Variants in PIEZO2 observed in about 807,000 individuals in gnomAD.
The protein encoded by PIEZO2 is piezo-type mechanosensitive ion channel component 2.
PIEZO2 carries 172 observed loss-of-function variants against 337.3 expected under a neutral mutation model. The observed-to-expected ratio is 0.51, with a 90% confidence interval of 0.45 to 0.58. The LOEUF (loss-of-function observed/expected upper bound fraction) is 0.58, where lower values mean the gene tolerates loss of function less well. Among genes scored for constraint, PIEZO2 ranks in the 20% least tolerant of loss-of-function variants. The pLI, the probability that PIEZO2 is intolerant of heterozygous loss-of-function variation, is 0.00. For synonymous variants in PIEZO2, 1,251 were observed against 1,228.5 expected, an observed-to-expected ratio of 1.02 and a Z score of -0.38; for missense variants, 3,028 against 3,391.3, an observed-to-expected ratio of 0.89 and a Z score of 2.66.
intron 4 of PIEZO2, among the ~76,000 whole-genome samples, chr18:10,889,484 T>C (rs949396379): frequency 5.9e-5 from 9 of 152,224 alleles, no homozygotes; most frequent in Admixed American, 1.3e-4. Flanking sequence ...CATGAGTATT[T>C]AGACTATGTT....
In PIEZO2 at chr18:10,731,512, G is replaced by A; in HGVS notation, c.4924C>T (p.Gln1642Ter). The change falls in exon 36 of 56, where the codon CAA (glutamine) becomes TAA (stop). Residue 1642 changes from glutamine (Q) to a stop codon, truncating the protein, a stop_gained. Coordinates refer to ENST00000674853, the MANE Select transcript of PIEZO2 (RefSeq NM_001378183.1). LOFTEE classifies it high-confidence loss of function. Reference sequence around the variant, plus strand: ...GTTTTAGGATCAGTAATCCAGGCTTGATAAACAAACTGAAGGGAGAAAGTT... The same window carrying A: ...GTTTTAGGATCAGTAATCCAGGCTTAATAAACAAACTGAAGGGAGAAAGTT... ...YLIRAAKFVY[Q>*]AWITDPKTAL... 6.6e-7 allele frequency: 1 copy of A among 1,519,298 alleles called. No individual in the cohort carries two copies. The highest frequency in any genetic ancestry group is 8.8e-7 in the Non-Finnish European group (1 of 1,137,858). The allele number at this position is 1,519,298 out of a possible 1,614,324, so 94.1% of individuals were successfully genotyped here.
intron 2 of PIEZO2, among the ~76,000 whole-genome samples, chr18:11,000,782 C>T (rs2035503510): frequency 6.6e-6 from 1 of 152,044 alleles, no homozygotes; most frequent in African/African-American, 2.4e-5. Context: ...GGGGTGGCTC[C>T]CGGCAGGGAC....
intron 4 of PIEZO2, among the ~76,000 whole-genome samples, chr18:10,901,989 C>T (rs535580881): frequency 2.0e-5 from 3 of 152,086 alleles, no homozygotes; most frequent in Admixed American, 1.3e-4. Context: ...TACTGGTCCT[C>T]GTCCATAGCC....
intron 49 of PIEZO2, among the ~76,000 whole-genome samples, chr18:10,684,095 TCTTTC>T (rs2034407997): frequency 1.2e-4 from 5 of 42,768 alleles, no homozygotes; most frequent in South Asian, 1.1e-3. Flanking sequence ...CTTCCTTCCT[TCTTTC>T]TCTCTCTCTT....
At chr18:10,787,638 G>A (rs750919674) in intron 15 of PIEZO2, among the ~76,000 whole-genome samples, 11 of 152,124 alleles carry the variant, frequency 7.2e-5, no homozygotes, top group Admixed American at 1.3e-4. Flanking sequence ...AAGACATCTC[G>A]TTTTACCGTA....
Position 11,143,959 on chromosome 18 carries a change from TA to T in PIEZO2, c.64+4565del, listed in dbSNP as rs1412204288. Among the ~76,000 whole-genome samples the T allele has an allele frequency of 6.6e-6, 1 of 152,212 alleles. No individual in the cohort carries two copies. The highest frequency in any genetic ancestry group is 1.5e-5 in the Non-Finnish European group (1 of 68,038). ...GAAACAAAACCATAATAGAATATGT[TA>T]TTTACCATTTTACAGAAAGAAAAGA... is the stretch of plus-strand genomic sequence containing the variant. On this transcript the variant is annotated intron_variant, in intron 1 of 55. Coordinates refer to ENST00000674853, the MANE Select transcript of PIEZO2 (RefSeq NM_001378183.1). This position sits in a 1 kb window ranked among gnomAD's most constrained non-coding sequence, Gnocchi z 4.9.
intron 7 of PIEZO2, among the ~76,000 whole-genome samples, chr18:10,844,277 G>A (rs1195341138): frequency 1.3e-5 from 2 of 151,914 alleles, no homozygotes; most frequent in Non-Finnish European, 2.9e-5. Context: ...AAAATTAGCC[G>A]GGTGTGGTGA....
intron 7 of PIEZO2, among the ~76,000 whole-genome samples, chr18:10,840,046 T>C (rs543060620): frequency 6.6e-6 from 1 of 152,306 alleles, no homozygotes; most frequent in African/African-American, 2.4e-5. Context: ...AATATAGCTA[T>C]AACTTTCCAA....
Position 11,031,414 on chromosome 18 carries a change from C to T in PIEZO2, c.160+34713G>A, listed in dbSNP as rs1483384615. Among the ~76,000 whole-genome samples, 2 of 151,928 alleles carry T rather than the reference C, an allele frequency of 1.3e-5. No individual in the cohort carries two copies. The highest frequency in any genetic ancestry group is 2.9e-5 in the Non-Finnish European group (2 of 67,992). The stretch of plus-strand genomic sequence containing the variant: ...AAGTATACTCCACTCTTAATTCTTA[C>T]ATTTTATACCAGAAAAAAAAATTAG... On this transcript the variant is annotated intron_variant, in intron 2 of 55. Transcript: ENST00000674853. This position sits in a 1 kb window ranked among gnomAD's most constrained non-coding sequence, Gnocchi z 4.7.
chr18:10,999,359 C>T (rs1366774888), intron 2 of PIEZO2, among the ~76,000 whole-genome samples: 1 of 152,082 alleles, frequency 6.6e-6, no homozygotes, highest in Non-Finnish European at 1.5e-5. Context: ...AGTTGGTCCT[C>T]CATATCTGTG....
intron 7 of PIEZO2, among the ~76,000 whole-genome samples, chr18:10,852,307 G>T (rs927597462): frequency 9.8e-5 from 15 of 152,292 alleles, no homozygotes; most frequent in Non-Finnish European, 8.8e-5. Context: ...AATCAACTGA[G>T]CCAACTGGAT....
chr18:10,734,414 C>T (rs573824695), intron 35 of PIEZO2, among the ~76,000 whole-genome samples: 1 of 152,290 alleles, frequency 6.6e-6, no homozygotes, highest in South Asian at 2.1e-4. Context: ...GAATCAGAAC[C>T]TGCATTTAAA....
intron 4 of PIEZO2, among the ~76,000 whole-genome samples, chr18:10,909,394 T>A (rs1370681120): frequency 6.6e-6 from 1 of 151,842 alleles, no homozygotes; most frequent in Non-Finnish European, 1.5e-5. Flanking sequence ...GATAATGAGA[T>A]GGAATGTCTG....
rs757989626 is a variant in PIEZO2, at chr18:11,127,198, G to A, written c.64+21327C>T. On this transcript the variant is annotated intron_variant, in intron 1 of 55. Coordinates refer to ENST00000674853, the MANE Select transcript of PIEZO2 (RefSeq NM_001378183.1). The surrounding 1 kb of genome is among the most constrained non-coding windows in gnomAD (Gnocchi z 4.5). ...GACCAGGATCAGGTGTTTGAGGGGT[G>A]CGGAAAGAGGTCCCTGAGGAGGTGA... 6.6e-6 allele frequency among the ~76,000 whole-genome samples: 1 copy of A among 152,190 alleles called. No individual in the cohort carries two copies. Among genetic ancestry groups the A allele is most frequent in the Non-Finnish European group, 1.5e-5 (1 of 68,036 alleles).
chr18:10,910,320 G>A (rs1309818423), intron 4 of PIEZO2, among the ~76,000 whole-genome samples: 2 of 152,198 alleles, frequency 1.3e-5, no homozygotes, highest in Admixed American at 6.5e-5. Context: ...AGTGGCTCAC[G>A]CCTGTCATCC....
intron 28 of PIEZO2, among the ~76,000 whole-genome samples, chr18:10,752,255 C>T (rs1423191311): frequency 2.0e-5 from 3 of 152,192 alleles, no homozygotes; most frequent in Non-Finnish European, 4.4e-5. Context: ...TTTTTGCCAA[C>T]ATAATACAGC....
chr18:10,776,927 G>T (rs1334460566), intron 18 of PIEZO2, among the ~76,000 whole-genome samples: 4 of 152,114 alleles, frequency 2.6e-5, no homozygotes, highest in Non-Finnish European at 5.9e-5. Context: ...TATAAGACTT[G>T]TAATTCTTTA....
intron 7 of PIEZO2, among the ~76,000 whole-genome samples, chr18:10,844,886 C>G (rs773510362): frequency 4.6e-5 from 7 of 151,524 alleles, no homozygotes; most frequent in Non-Finnish European, 1.0e-4. Context: ...AAGTAACTGA[C>G]CAAATAATGA....
intron 3 of PIEZO2, among the ~76,000 whole-genome samples, chr18:10,976,027 T>G (rs185372380): frequency 6.6e-6 from 1 of 152,212 alleles, no homozygotes; most frequent in Admixed American, 6.5e-5. Context: ...TGTGTTTACA[T>G]CTCTGATGGT....
Sources: gnomAD v4.1 joint callset for allele counts (sites outside exome capture counted in the v4.1 genomes callset) on GRCh38, gnomAD v4.1.1 for gene constraint, Gnocchi (gnomAD v3.1) non-coding constraint, MANE v1.5 for transcripts, NCBI Gene and HGNC (gene_info 2026-07-23, HGNC 2026-07-21) for gene names.